Variants in ARHGEF7 observed in about 807,000 individuals in gnomAD.
The protein encoded by ARHGEF7 is PAK-interacting exchange factor beta.
A neutral mutation model predicts 109.8 loss-of-function variants in ARHGEF7; 33 were observed. The ratio of observed to expected loss-of-function variants is 0.30; its 90% CI spans 0.23 to 0.40. The LOEUF (loss-of-function observed/expected upper bound fraction) is 0.40, where lower values mean the gene tolerates loss of function less well. ARHGEF7 is among the 10% of genes least tolerant of loss of function. ARHGEF7 has a pLI of 1.00. For synonymous variants in ARHGEF7, 458 were observed against 424.6 expected (o/e 1.08, Z -0.97); for missense variants, 938 against 1,098.5 (o/e 0.85, Z 2.07).
intron 2 of ARHGEF7, among the ~76,000 whole-genome samples, chr13:111,196,739 G>C (rs1427917965): frequency 1.4e-5 from 2 of 138,518 alleles, no homozygotes; most frequent in Admixed American, 7.6e-5. Context: ...TAGGATATGG[G>C]GGTAAGCTGA....
chr13:111,240,903 T>C (rs2087652920), intron 6 of ARHGEF7, among the ~76,000 whole-genome samples: 1 of 152,234 alleles, frequency 6.6e-6, no homozygotes, highest in Non-Finnish European at 1.5e-5. Context: ...TAAAGGCTGT[T>C]GATGACATAA....
chr13:111,139,427 T>A (rs2075243135), intron 1 of ARHGEF7, among the ~76,000 whole-genome samples: 1 of 152,268 alleles, frequency 6.6e-6, no homozygotes, highest in African/African-American at 2.4e-5. Context: ...TCTGTGTCTA[T>A]GTCTCTGTCT....
In ARHGEF7 at chr13:111,283,316, C is replaced by T. The variant is rs866152255; in HGVS notation, c.1903C>T (p.Arg635Trp). ...TPKPWSLSCL[R>W]PAPPLRPSAA... ...CAAGCCCTGGAGCCTGAGCTGCCTG[C>T]GGCCCGCGCCTCCCCTCCGGCCCTC... The change falls in exon 16 of 22, where the codon CGG becomes TGG. Residue 635 changes from arginine (R) to tryptophan (W), a missense_variant. Around this residue, in one of 4 missense-constraint regions of ARHGEF7, gnomAD observed 585 missense variants for 723.6 expected, o/e 0.81. Transcript: ENST00000646102. The T allele has an allele frequency of 1.9e-6, 3 of 1,564,318 alleles. No homozygotes were observed. The highest frequency in any genetic ancestry group is 2.6e-6 in the Non-Finnish European group (3 of 1,158,986).
At chr13:111,140,965 T>G (rs1266639422) in intron 1 of ARHGEF7, among the ~76,000 whole-genome samples, 1 of 152,162 alleles carries the variant, frequency 6.6e-6, no homozygotes, top group Non-Finnish European at 1.5e-5. Context: ...ATATAAGTTC[T>G]AGGCATGAAC....
intron 1 of ARHGEF7, among the ~76,000 whole-genome samples, chr13:111,123,769 A>G (rs1249151465): frequency 1.3e-5 from 2 of 151,280 alleles, no homozygotes; most frequent in Non-Finnish European, 2.9e-5. Flanking sequence ...ACCACCCTAT[A>G]AGGGAGGTGG....
chr13:111,259,025 TC>T (rs2090782363), intron 8 of ARHGEF7, among the ~76,000 whole-genome samples: 1 of 152,174 alleles, frequency 6.6e-6, no homozygotes, highest in African/African-American at 2.4e-5. Context: ...AAGGACTTTT[TC>T]ATGTGGCTTG....
At chr13:111,286,520 C>T (rs936751688) in intron 17 of ARHGEF7, among the ~76,000 whole-genome samples, 5 of 152,320 alleles carry the variant, frequency 3.3e-5, no homozygotes, top group Middle Eastern at 6.8e-3. Flanking sequence ...GAGGGCTCTC[C>T]TGCTCTTCTG....
At chr13:111,127,648 G>GAAAAA (rs71206956) in intron 1 of ARHGEF7, among the ~76,000 whole-genome samples, 25 of 40,008 alleles carry the variant, frequency 6.2e-4, no homozygotes, top group East Asian at 1.7e-3. Flanking sequence ...CTCTGTTTCA[G>GAAAAA]AAAAAAAAAA....
At chr13:111,173,518 G>T (rs907546930) in intron 2 of ARHGEF7, among the ~76,000 whole-genome samples, 1 of 152,240 alleles carries the variant, frequency 6.6e-6, no homozygotes, top group East Asian at 1.9e-4. Flanking sequence ...CGTAAGCTCA[G>T]CCCCAGGATG....
rs926463024 is a variant in ARHGEF7 at position 111,272,611 on chromosome 13, A to G, written c.1074-1203A>G. On this transcript the variant is annotated intron_variant, in intron 9 of 21. Coordinates refer to ENST00000646102, the MANE Select transcript of ARHGEF7 (RefSeq NM_001354046.2). The surrounding 1 kb of genome is among the most constrained non-coding windows in gnomAD (Gnocchi z 5.2). ...CAAGCTCTGCTGACTAGAGACCCCTATCTTCTAGGATGGGGCGTGGTGATG... is the reference window on the plus strand; with the variant it reads ...CAAGCTCTGCTGACTAGAGACCCCTGTCTTCTAGGATGGGGCGTGGTGATG... 1.3e-5 allele frequency among the ~76,000 whole-genome samples: 2 copies of G among 152,212 alleles called. No homozygotes were observed. The highest frequency in any genetic ancestry group is 1.9e-4 in the East Asian group (1 of 5,176).
At chr13:111,302,591 T>C (rs2093594782) in intron 21 of ARHGEF7, among the ~76,000 whole-genome samples, 1 of 152,210 alleles carries the variant, frequency 6.6e-6, no homozygotes, top group Non-Finnish European at 1.5e-5. Context: ...GAGCAGGTGC[T>C]CGCCCACTTG....
chr13:111,195,095 C>T (rs1293863915), intron 2 of ARHGEF7, among the ~76,000 whole-genome samples: 1 of 152,190 alleles, frequency 6.6e-6, no homozygotes, highest in Admixed American at 6.5e-5. Context: ...AAATGTTTAA[C>T]AATATCCTGT....
At chr13:111,250,530 G>A (rs915560884) in intron 8 of ARHGEF7, among the ~76,000 whole-genome samples, 13 of 152,176 alleles carry the variant, frequency 8.5e-5, no homozygotes, top group African/African-American at 3.1e-4. Flanking sequence ...AGCACTGAGG[G>A]GTAAATGGGA....
chr13:111,122,759 C>T (rs1347901399), intron 1 of ARHGEF7: 1 of 152,230 alleles, frequency 6.6e-6, no homozygotes, highest in Non-Finnish European at 1.5e-5. Context: ...ATGCTAGGAT[C>T]TTGGGTATAA....
At chr13:111,126,947 G>T (rs1382134048) in intron 1 of ARHGEF7, among the ~76,000 whole-genome samples, 2 of 152,148 alleles carry the variant, frequency 1.3e-5, no homozygotes, top group Non-Finnish European at 2.9e-5. Flanking sequence ...AGAACAGAAT[G>T]GAGATTAGAA....
chr13:111,280,868 C>A, intron 15 of ARHGEF7, 191 bp downstream of exon 15: 1 of 613,888 alleles, frequency 1.6e-6, no homozygotes, highest in Non-Finnish European at 2.6e-6. Flanking sequence ...AATGAGTGTT[C>A]TCGAGAAACA....
intron 8 of ARHGEF7, among the ~76,000 whole-genome samples, chr13:111,249,154 T>G (rs1287768627): frequency 6.6e-6 from 1 of 152,142 alleles, no homozygotes; most frequent in African/African-American, 2.4e-5. Context: ...CCAGCAACTC[T>G]GGTAGAACCA....
intron 5 of ARHGEF7, among the ~76,000 whole-genome samples, chr13:111,223,285 C>G (rs1490846951): frequency 6.6e-6 from 1 of 152,140 alleles, no homozygotes; most frequent in Non-Finnish European, 1.5e-5. Flanking sequence ...TTAATTAGTG[C>G]TTGATTTTTC....
intron 2 of ARHGEF7, among the ~76,000 whole-genome samples, chr13:111,169,157 T>TA (rs987352855): frequency 4.6e-5 from 7 of 152,280 alleles, no homozygotes; most frequent in Middle Eastern, 6.8e-3. Flanking sequence ...ACTTAATCCT[T>TA]AAAAAAGTCA....
Sources: gnomAD v4.1 joint callset for allele counts (sites outside exome capture counted in the v4.1 genomes callset) on GRCh38, gnomAD v4.1.1 for gene constraint, gnomAD v4.1.1 regional missense constraint, Gnocchi (gnomAD v3.1) non-coding constraint, MANE v1.5 for transcripts, NCBI Gene and HGNC (gene_info 2026-07-23, HGNC 2026-07-21) for gene names.